The following SPAG9 variants were observed in gnomAD, a reference collection of about 807,000 sequenced individuals.
SPAG9 encodes the protein C-Jun-amino-terminal kinase-interacting protein 4.
SPAG9 carries 35 observed loss-of-function variants against 166.5 expected under a neutral mutation model. The ratio of observed to expected loss-of-function variants is 0.21; its 90% CI spans 0.16 to 0.28. The LOEUF is 0.28. Ranked by LOEUF, SPAG9 falls within the 10% of genes least tolerant of loss-of-function variation. SPAG9 has a pLI of 1.00. For missense variants in SPAG9, 1,235 were observed against 1,603.3 expected (o/e 0.77, Z 3.92); for synonymous variants, 534 against 565.5 (o/e 0.94, Z 0.79).
intron 6 of SPAG9, among the ~76,000 whole-genome samples, chr17:51,027,017 A>T (rs1018413133): frequency 1.3e-5 from 2 of 152,140 alleles, no homozygotes; most frequent in Non-Finnish European, 1.5e-5. Context: ...TTGGTATCCC[A>T]GGCAGTGGTG....
intron 1 of SPAG9, among the ~76,000 whole-genome samples, chr17:51,089,651 T>TAA (rs2048405894): frequency 9.9e-6 from 1 of 100,770 alleles, no homozygotes; most frequent in Non-Finnish European, 2.0e-5. Flanking sequence ...TATATATATA[T>TAA]ATATATATAT....
At chr17:51,098,791 C>T (rs1310623752) in intron 1 of SPAG9, among the ~76,000 whole-genome samples, 5 of 150,298 alleles carry the variant, frequency 3.3e-5, no homozygotes, top group African/African-American at 4.9e-5. Flanking sequence ...TGTGCCCAGC[C>T]GGATGGGTTT....
chr17:51,040,169 T>C (rs901930482), intron 5 of SPAG9, among the ~76,000 whole-genome samples: 34 of 148,882 alleles, frequency 2.3e-4, no homozygotes, highest in African/African-American at 8.2e-4. Flanking sequence ...AGGAGGAGGA[T>C]GCAGTGAGCC....
At chr17:51,088,162 C>T (rs114216201) in intron 1 of SPAG9, among the ~76,000 whole-genome samples, 236 of 152,226 alleles carry the variant, frequency 1.6e-3, no homozygotes, top group African/African-American at 5.5e-3. Context: ...CATCCCAGTC[C>T]GTCACTCTGT....
intron 28 of SPAG9, among the ~76,000 whole-genome samples, chr17:50,974,294 T>A (rs1974059221): frequency 6.6e-6 from 1 of 152,072 alleles, no homozygotes; most frequent in South Asian, 2.1e-4. Context: ...AGGAAATGAG[T>A]CTCTGAGGTT....
intron 5 of SPAG9, among the ~76,000 whole-genome samples, chr17:51,037,685 A>ATATATATATATATATAGTGTGTGTGTGT: frequency 7.2e-5 from 6 of 83,506 alleles, no homozygotes; most frequent in African/African-American, 2.3e-4. Flanking sequence ...ATATATATAT[A>ATATATATATATATATAGTGTGTGTGTGT]GTGTGTGTGT....
intron 9 of SPAG9, among the ~76,000 whole-genome samples, chr17:51,010,496 G>T (rs566303350): frequency 2.0e-4 from 30 of 149,956 alleles, no homozygotes; most frequent in African/African-American, 7.1e-4. Flanking sequence ...ACATTTCAGG[G>T]AAAACTAAGC....
At chr17:51,061,854 G>A (rs959929910) in intron 2 of SPAG9, among the ~76,000 whole-genome samples, 2 of 151,838 alleles carry the variant, frequency 1.3e-5, no homozygotes, top group African/African-American at 2.4e-5. Context: ...ACCCATCAGG[G>A]TTACTTTTTG....
At chr17:51,106,860 T>C (rs2048964915) in intron 1 of SPAG9, among the ~76,000 whole-genome samples, 1 of 151,010 alleles carries the variant, frequency 6.6e-6, no homozygotes, top group Non-Finnish European at 1.5e-5. Context: ...TCCTAGCACT[T>C]TGGGAGGCTG....
chr17:50,972,770 G>A (rs1193658988), intron 28 of SPAG9, among the ~76,000 whole-genome samples: 1 of 152,214 alleles, frequency 6.6e-6, no homozygotes, highest in Non-Finnish European at 1.5e-5. Context: ...TTATACTTTG[G>A]AAGAAATCAA....
chr17:50,976,887 T>G, intron 27 of SPAG9: 1 of 416,768 alleles, frequency 2.4e-6, no homozygotes, highest in Non-Finnish European at 4.3e-6. Context: ...TCCTGAACTG[T>G]GAAAATGTTT....
At chr17:51,097,564 T>C (rs1046515584) in intron 1 of SPAG9, among the ~76,000 whole-genome samples, 1 of 151,948 alleles carries the variant, frequency 6.6e-6, no homozygotes, top group Non-Finnish European at 1.5e-5. Context: ...CACACACATA[T>C]ACATATATAT....
At chr17:50,993,184 C>A (rs1975758509) in intron 19 of SPAG9, among the ~76,000 whole-genome samples, 2 of 150,600 alleles carry the variant, frequency 1.3e-5, no homozygotes. Context: ...GGCGTGGTGG[C>A]AGGTGCCTGT....
At chr17:51,028,172 A>G (rs1014798134) in intron 6 of SPAG9, among the ~76,000 whole-genome samples, 4 of 152,156 alleles carry the variant, frequency 2.6e-5, no homozygotes, top group Non-Finnish European at 4.4e-5. Flanking sequence ...TAAGCTAAAC[A>G]TTATTACAAA....
intron 3 of SPAG9, among the ~76,000 whole-genome samples, chr17:51,053,883 AT>A (rs2047274784): frequency 5.3e-5 from 6 of 114,240 alleles, no homozygotes; most frequent in African/African-American, 7.7e-5. Flanking sequence ...ATATATATAT[AT>A]ATATATATAT....
chr17:50,995,079 T>C lies in SPAG9; in HGVS notation c.2204A>G (p.Asp735Gly), dbSNP rs1331220593. 6.2e-7 allele frequency: 1 copy of C among 1,613,726 alleles called. No homozygotes were observed. The highest frequency in any genetic ancestry group is 1.7e-5 in the Admixed American group (1 of 59,954). ...KQRSASQSSLDKLDQELKEQQ... is the reference protein window; with the variant it reads ...KQRSASQSSLGKLDQELKEQQ... The stretch of plus-strand genomic sequence containing the variant: ...TACCTTAAGTTCCTGATCTAACTTA[T>C]CTAAACTACTCTGAGAGGCACTTCG... The change falls in exon 18 of 30, where the codon GAT (aspartate) becomes GGT (glycine). Residue 735 changes from aspartate to glycine, a missense_variant. Physicochemically the swap from Asp to Gly is moderately conservative, Grantham distance 94. Coordinates refer to ENST00000262013, the MANE Select transcript of SPAG9 (RefSeq NM_001130528.3).
At chr17:51,002,784 A>C (rs1337864573) in intron 12 of SPAG9, among the ~76,000 whole-genome samples, 2 of 144,780 alleles carry the variant, frequency 1.4e-5, no homozygotes, top group African/African-American at 2.5e-5. Flanking sequence ...ACAACAACAA[A>C]AACAACAACA....
intron 2 of SPAG9, among the ~76,000 whole-genome samples, chr17:51,056,728 GT>G (rs551732937): frequency 6.5e-4 from 97 of 148,612 alleles, no homozygotes; most frequent in African/African-American, 1.9e-3. Context: ...CCCCTAAACA[GT>G]TTTTTTTTTA....
intron 1 of SPAG9, among the ~76,000 whole-genome samples, chr17:51,116,784 C>A (rs2049300513): frequency 6.6e-6 from 1 of 152,116 alleles, no homozygotes; most frequent in African/African-American, 2.4e-5. Flanking sequence ...ATTTAAAAGT[C>A]ACTGATTTTA....
Sources: allele counts gnomAD v4.1 joint callset (sites outside exome capture counted in the v4.1 genomes callset), GRCh38; gene constraint gnomAD v4.1.1; transcripts MANE v1.5; gene names NCBI Gene and HGNC (gene_info 2026-07-23, HGNC 2026-07-21).